Variants in UNK observed in about 807,000 individuals in gnomAD.
UNK encodes RING finger protein unkempt homolog.
Under a neutral mutation model 97.6 loss-of-function variants are expected in UNK, and 32 were observed. That is an observed-to-expected ratio of 0.33 (90% CI 0.25 to 0.44). UNK has a LOEUF of 0.44. UNK is among the 20% of genes least tolerant of loss of function. The pLI, the probability that UNK is intolerant of heterozygous loss-of-function variation, is 1.00. For missense variants in UNK, 771 were observed against 1,098.4 expected, an observed-to-expected ratio of 0.70 and a Z score of 4.21; for synonymous variants, 441 against 461.2, an observed-to-expected ratio of 0.96 and a Z score of 0.56.
intron 1 of UNK, 116 bp downstream of exon 1, chr17:75,785,100 G>C (rs934102087): frequency 3.0e-6 from 2 of 670,848 alleles, no homozygotes; most frequent in African/African-American, 2.0e-5. Context: ...TTCCTCCTCC[G>C]GCCCGGCCCA....
At chr17:75,813,571 C>T (rs1174681794) in intron 5 of UNK, among the ~76,000 whole-genome samples, 190 bp from the exon 6 acceptor site, 1 of 152,196 alleles carries the variant, frequency 6.6e-6, no homozygotes, top group Non-Finnish European at 1.5e-5. Flanking sequence ...CAAACAGTAT[C>T]CTTTGTGGTG....
rs2061978622 is a variant in UNK at position 75,812,507 on chromosome 17, A to T, written c.544A>T (p.Ser182Cys). 6.2e-7 allele frequency: 1 copy of T among 1,612,630 alleles called. No homozygotes were observed. Among genetic ancestry groups the T allele is most frequent in the Non-Finnish European group, 8.5e-7 (1 of 1,179,758 alleles). Residue 182 changes from serine to cysteine, a missense_variant, in exon 4 of 16, where the codon AGC becomes TGC. By Grantham distance (112) the Ser-to-Cys change is moderately radical (BLOSUM62 -1). Transcript: ENST00000589666. ...GAATGGCCAGACCACGGTAGAGGGG[A>T]GCATAGAGGGCCAGTCGGCTGGGGC... is the stretch of plus-strand genomic sequence containing the variant. ...LQNGQTTVEGSIEGQSAGAAS... is the reference protein window; with the variant it reads ...LQNGQTTVEGCIEGQSAGAAS...
intron 1 of UNK, among the ~76,000 whole-genome samples, chr17:75,805,087 A>T (rs2061898909): frequency 1.3e-5 from 2 of 148,936 alleles, no homozygotes; most frequent in South Asian, 4.3e-4. Flanking sequence ...AGGCTGAGGC[A>T]GGAGAATGGC....
chr17:75,806,227 GGGC>G (rs1208117191), intron 1 of UNK, among the ~76,000 whole-genome samples: 2 of 152,042 alleles, frequency 1.3e-5, no homozygotes, highest in African/African-American at 4.8e-5. Flanking sequence ...AGGCCGAGGC[GGGC>G]GGATCGCAAG....
Position 75,817,698 on chromosome 17 carries a change from G to A in UNK, c.1305+172G>A, listed in dbSNP as rs895957090. ...GAGCAGTGTCAGCCCATTTGCAGCT[G>A]AAGACAGGAAGGCTGGGGAGGCTGC... On this transcript the variant is annotated intron_variant, in intron 9 of 15. Coordinates refer to ENST00000589666, the MANE Select transcript of UNK (RefSeq NM_001080419.3). This position sits in a 1 kb window ranked among gnomAD's most constrained non-coding sequence, Gnocchi z 5.8. Among the ~76,000 whole-genome samples, 4 of 152,176 alleles carry A rather than the reference G, an allele frequency of 2.6e-5. No homozygotes were observed. Among genetic ancestry groups the A allele is most frequent in the African/African-American group, 9.6e-5 (4 of 41,456 alleles).
chr17:75,823,402 G>C lies in UNK; in HGVS notation c.2157G>C (p.Arg719=), dbSNP rs2062087720. Residue 719 remains arginine, a synonymous_variant, in exon 15 of 16, where the codon CGG becomes CGC. Coordinates refer to ENST00000589666, the MANE Select transcript of UNK (RefSeq NM_001080419.3). The part of the protein sequence containing the change: ...QVKKLQEELE[R]LHAGPEPQAL... ...AGAAGCTCCAGGAGGAGCTGGAGCG[G>C]CTACACGCGGGGCCTGAGCCCCAGG... 1 of 1,606,204 alleles carries C rather than the reference G, an allele frequency of 6.2e-7. No homozygotes were observed. Among genetic ancestry groups the C allele is most frequent in the Non-Finnish European group, 8.5e-7 (1 of 1,176,480 alleles).
chr17:75,800,903 C>T (rs529517682), intron 1 of UNK, among the ~76,000 whole-genome samples: 24 of 151,362 alleles, frequency 1.6e-4, no homozygotes, highest in Non-Finnish European at 3.4e-4. Flanking sequence ...GTCAGCATAC[C>T]ACATTTTTTG....
At chr17:75,785,115 G>T in intron 1 of UNK, 131 bp downstream of exon 1, 2 of 605,018 alleles carry the variant, frequency 3.3e-6, no homozygotes, top group Non-Finnish European at 5.5e-6. Context: ...GGCCCAGACC[G>T]GTTCCAACCT....
At chr17:75,786,274 G>A (rs1051054733) in intron 1 of UNK, among the ~76,000 whole-genome samples, 2 of 152,186 alleles carry the variant, frequency 1.3e-5, no homozygotes, top group African/African-American at 4.8e-5. Flanking sequence ...GACTACTGAT[G>A]AGTTGAATGG....
Position 75,824,548 on chromosome 17 carries a change from A to T in UNK, c.*131A>T. 4.2e-6 allele frequency: 3 copies of T among 715,040 alleles called. No homozygotes were observed. Among genetic ancestry groups the T allele is most frequent in the Non-Finnish European group, 5.4e-6 (3 of 551,130 alleles). 44.3% of individuals were successfully genotyped at this position (715,040 alleles called of 1,614,324 possible). ...TGTATATGATTATGTATATGTATAC[A>T]TTTCCGTATGTATGTATATGTATAC... is the stretch of plus-strand genomic sequence containing the variant. On this transcript the variant is annotated 3_prime_UTR_variant, in exon 16 of 16. Coordinates refer to ENST00000589666, the MANE Select transcript of UNK (RefSeq NM_001080419.3). This position sits in a 1 kb window ranked among gnomAD's most constrained non-coding sequence, Gnocchi z 4.9.
At position 75,810,534 on chromosome 17, in the gene UNK, A is replaced by T. The variant is rs112204764; in HGVS notation, c.314+565A>T. On this transcript the variant is annotated intron_variant, in intron 2 of 15. Coordinates refer to ENST00000589666, the MANE Select transcript of UNK (RefSeq NM_001080419.3). ...AACATTCACTGACCCTGCTTGTCTCATAGAGCCTTCCCTTCGTCAGCCCTC... is the reference window on the plus strand; with the variant it reads ...AACATTCACTGACCCTGCTTGTCTCTTAGAGCCTTCCCTTCGTCAGCCCTC... Among the ~76,000 whole-genome samples, 320 of 146,296 alleles carry T rather than the reference A, an allele frequency of 2.2e-3. 3 individuals are homozygous for T. The highest frequency in any genetic ancestry group is 7.1e-3 in the African/African-American group (293 of 41,086).
At chr17:75,791,279 T>A (rs56829726) in intron 1 of UNK, among the ~76,000 whole-genome samples, 40 of 152,330 alleles carry the variant, frequency 2.6e-4, no homozygotes, top group African/African-American at 9.1e-4. Context: ...ACAAAGATAA[T>A]GTAGCAATAC....
intron 1 of UNK, among the ~76,000 whole-genome samples, chr17:75,807,288 G>A (rs1045764326): frequency 1.1e-4 from 17 of 152,190 alleles, no homozygotes; most frequent in Non-Finnish European, 1.8e-4. Context: ...TCTGGAGACT[G>A]GGGCAGGAGG....
intron 1 of UNK, among the ~76,000 whole-genome samples, chr17:75,793,272 T>C: frequency 6.6e-6 from 1 of 152,180 alleles, no homozygotes; most frequent in East Asian, 1.9e-4. Flanking sequence ...ATTCTTCAGG[T>C]ATCGTGAGTG....
chr17:75,794,421 G>C (rs2061787847), intron 1 of UNK, among the ~76,000 whole-genome samples: 1 of 152,162 alleles, frequency 6.6e-6, no homozygotes, highest in Non-Finnish European at 1.5e-5. Flanking sequence ...TGGATTGCCT[G>C]AGGTCAGGAG....
intron 1 of UNK, among the ~76,000 whole-genome samples, chr17:75,804,144 A>T (rs968864512): frequency 3.9e-5 from 6 of 152,252 alleles, no homozygotes; most frequent in Non-Finnish European, 8.8e-5. Context: ...GTGAACACAA[A>T]GGAAATTTCT....
At chr17:75,789,362 GTC>G (rs1478840842) in intron 1 of UNK, among the ~76,000 whole-genome samples, 1 of 151,528 alleles carries the variant, frequency 6.6e-6, no homozygotes, top group African/African-American at 2.4e-5. Context: ...CTGAGACCGA[GTC>G]TCGCTCTGTT....
intron 1 of UNK, among the ~76,000 whole-genome samples, chr17:75,804,356 G>A (rs2061890873): frequency 6.6e-6 from 1 of 152,178 alleles, no homozygotes; most frequent in Non-Finnish European, 1.5e-5. Flanking sequence ...TCAGGAGGCT[G>A]AGGCAGGGGA....
At chr17:75,810,064 G>C in intron 2 of UNK, 95 bp downstream of exon 2, 1 of 1,478,818 alleles carries the variant, frequency 6.8e-7, no homozygotes, top group Non-Finnish European at 9.2e-7. Context: ...AAGCCATCCA[G>C]AGGACTGGTT....
Sources: gnomAD v4.1 joint callset for allele counts (sites outside exome capture counted in the v4.1 genomes callset) on GRCh38, gnomAD v4.1.1 for gene constraint, Gnocchi (gnomAD v3.1) non-coding constraint, MANE v1.5 for transcripts, NCBI Gene and HGNC (gene_info 2026-07-23, HGNC 2026-07-21) for gene names.